UST: variants seen among roughly 807,000 people sequenced by gnomAD.
The protein encoded by UST is chondroitin sulfate 2-O-sulfotransferase.
In UST, 21 loss-of-function variants were observed where a neutral mutation model predicts 45.6. The ratio of observed to expected loss-of-function variants is 0.46; its 90% CI spans 0.33 to 0.66. The LOEUF is 0.66. Ranked by LOEUF, UST falls within the 30% of genes least tolerant of loss-of-function variation. The pLI, the probability that UST is intolerant of heterozygous loss-of-function variation, is 0.02. For synonymous variants in UST, 215 were observed against 200.6 expected (o/e 1.07, Z -0.61); for missense variants, 463 against 512.4 (o/e 0.90, Z 0.93).
At chr6:148,833,132 A>G (rs755959113) in intron 1 of UST, among the ~76,000 whole-genome samples, 1 of 152,208 alleles carries the variant, frequency 6.6e-6, no homozygotes, top group Non-Finnish European at 1.5e-5. Flanking sequence ...AGACAGTATC[A>G]TAGGGTATAA....
intron 5 of UST, among the ~76,000 whole-genome samples, chr6:148,999,384 G>T (rs751017723): frequency 2.0e-5 from 3 of 152,176 alleles, no homozygotes; most frequent in Non-Finnish European, 4.4e-5. Context: ...GGTGGATACC[G>T]TAATACAGAG....
At chr6:148,886,797 A>T (rs1318026397) in intron 1 of UST, among the ~76,000 whole-genome samples, 189 bp from the exon 2 acceptor site, 10 of 152,214 alleles carry the variant, frequency 6.6e-5, no homozygotes, top group Admixed American at 5.9e-4. Context: ...GTAACAGCTG[A>T]AACTATTAAT....
intron 1 of UST, among the ~76,000 whole-genome samples, chr6:148,755,128 G>A (rs986668253): frequency 6.6e-6 from 1 of 152,140 alleles, no homozygotes; most frequent in South Asian, 2.1e-4. Context: ...GAATGGAGCC[G>A]ATGAGCTCAG....
chr6:149,061,662 G>T (rs867807949), intron 7 of UST, among the ~76,000 whole-genome samples: 2 of 152,228 alleles, frequency 1.3e-5, no homozygotes, highest in Non-Finnish European at 2.9e-5. Flanking sequence ...GCCGGGCAGA[G>T]ATGTGTTTCC....
intron 5 of UST, among the ~76,000 whole-genome samples, chr6:149,013,569 T>C (rs1775851286): frequency 6.6e-6 from 1 of 151,932 alleles, no homozygotes. Flanking sequence ...GGTACGTCCA[T>C]CTGCAGTTTC....
At chr6:148,784,722 T>C (rs1292413509) in intron 1 of UST, among the ~76,000 whole-genome samples, 3 of 152,216 alleles carry the variant, frequency 2.0e-5, no homozygotes, top group African/African-American at 7.2e-5. Context: ...ATTTGTTGAA[T>C]GAATTGATGA....
intron 2 of UST, among the ~76,000 whole-genome samples, chr6:148,889,433 G>T (rs1394450200): frequency 1.3e-5 from 2 of 152,118 alleles, no homozygotes; most frequent in African/African-American, 4.8e-5. Flanking sequence ...TGCCTAGGAG[G>T]GACAATAGAG....
chr6:148,848,686 T>C (rs1211170043), intron 1 of UST, among the ~76,000 whole-genome samples: 1 of 140,260 alleles, frequency 7.1e-6, no homozygotes, highest in South Asian at 2.3e-4. Context: ...AAAAAAAAAA[T>C]GATTACACTA....
At chr6:148,893,713 T>G (rs997646353) in intron 2 of UST, among the ~76,000 whole-genome samples, 1 of 152,174 alleles carries the variant, frequency 6.6e-6, no homozygotes, top group Non-Finnish European at 1.5e-5. Flanking sequence ...GGCAAACAGA[T>G]TCATACAGTA....
intron 3 of UST, among the ~76,000 whole-genome samples, chr6:148,952,728 G>A (rs1051076070): frequency 7.2e-5 from 11 of 152,134 alleles, no homozygotes; most frequent in Non-Finnish European, 7.4e-5. Flanking sequence ...GACTGGTTTT[G>A]TTTCCAGTTT....
chr6:148,820,187 A>G (rs559621447), intron 1 of UST, among the ~76,000 whole-genome samples: 2 of 152,338 alleles, frequency 1.3e-5, no homozygotes, highest in South Asian at 2.1e-4. Flanking sequence ...CTTTAAATAT[A>G]CTTATTCAGA....
intron 3 of UST, among the ~76,000 whole-genome samples, chr6:148,944,444 G>T (rs915948569): frequency 3.3e-5 from 5 of 150,780 alleles, no homozygotes; most frequent in African/African-American, 1.2e-4. Context: ...CATACAAAAA[G>T]GCACCTCTCT....
chr6:148,754,680 T>A (rs1776061872), intron 1 of UST, among the ~76,000 whole-genome samples: 2 of 152,244 alleles, frequency 1.3e-5, no homozygotes, highest in South Asian at 4.1e-4. Context: ...TTCAGATATA[T>A]GATCTTGCTA....
chr6:149,028,681 T>C (rs1048821574), intron 7 of UST, among the ~76,000 whole-genome samples: 6 of 152,166 alleles, frequency 3.9e-5, no homozygotes, highest in Non-Finnish European at 7.3e-5. Context: ...AGTGGAAATA[T>C]TACTACAGTG....
chr6:148,938,386 GGTT>G lies in UST; in HGVS notation c.292-2889_292-2887del, dbSNP rs376541055. ...AATTGCACCAAAATGGCATGTGACT[GGTT>G]GTTAAGTGAATGATATAGATATTAT... is the stretch of plus-strand genomic sequence containing the variant. On this transcript the variant is annotated intron_variant, in intron 2 of 7. Coordinates refer to ENST00000367463, the MANE Select transcript of UST (RefSeq NM_005715.3). Among the ~76,000 whole-genome samples the G allele has an allele frequency of 3.1e-4, 47 of 152,230 alleles. No individual in the cohort carries two copies. In the South Asian group the frequency reaches 6.2e-3, roughly 20 times the overall value.
chr6:148,893,545 G>T (rs1779058968), intron 2 of UST, among the ~76,000 whole-genome samples: 1 of 152,226 alleles, frequency 6.6e-6, no homozygotes, highest in Admixed American at 6.5e-5. Context: ...ACATGCTTCT[G>T]TGACTGATAG....
At chr6:148,774,713 T>C (rs993583784) in intron 1 of UST, among the ~76,000 whole-genome samples, 1 of 152,192 alleles carries the variant, frequency 6.6e-6, no homozygotes, top group African/African-American at 2.4e-5. Context: ...GATTTGTGAA[T>C]TTCAGAGAAA....
chr6:148,949,380 A>G (rs1321255072), intron 3 of UST, among the ~76,000 whole-genome samples: 2 of 146,796 alleles, frequency 1.4e-5, no homozygotes, highest in Non-Finnish European at 3.0e-5. Context: ...CCTGGGCAGC[A>G]GAGACTTTGT....
chr6:149,072,960 G>A (rs1220504137), intron 7 of UST, among the ~76,000 whole-genome samples: 2 of 152,102 alleles, frequency 1.3e-5, no homozygotes, highest in Non-Finnish European at 2.9e-5. Flanking sequence ...GCACAACACT[G>A]TAAATATAAT....
Sources: allele counts gnomAD v4.1 joint callset (sites outside exome capture counted in the v4.1 genomes callset), GRCh38; gene constraint gnomAD v4.1.1; transcripts MANE v1.5; gene names NCBI Gene and HGNC (gene_info 2026-07-23, HGNC 2026-07-21).